ANO6: variants seen among roughly 807,000 people sequenced by gnomAD.
ANO6 encodes anoctamin 6.
A neutral mutation model predicts 117.5 loss-of-function variants in ANO6; 106 were observed. The ratio of observed to expected loss-of-function variants is 0.90; its 90% confidence interval spans 0.77 to 1.06. The LOEUF is 1.06. ANO6 is among the 50% of genes least tolerant of loss of function. The pLI is 0.00. For missense variants in ANO6, 955 were observed against 1,121.1 expected (o/e 0.85, Z 2.12); for synonymous variants, 367 against 385.1 (o/e 0.95, Z 0.55).
At chr12:45,402,949 A>G in intron 13 of ANO6, 123 bp from the exon 14 acceptor site, 1 of 946,370 alleles carries the variant, frequency 1.1e-6, no homozygotes, top group Non-Finnish European at 1.6e-6. Flanking sequence ...GCTTAAATGG[A>G]AACAGTGTGA....
At position 45,403,661 on chromosome 12, in the gene ANO6, A is replaced by G. The variant is rs1455147519; in HGVS notation, c.1880+125A>G. The G allele has an allele frequency of 3.8e-6, 3 of 786,748 alleles. No homozygotes were observed. The African/African-American group carries it at 5.1e-5, about 13-fold the overall frequency. The allele number at this position is 786,748 out of a possible 1,614,324, so 48.7% of individuals were successfully genotyped here. Reference sequence around the variant, plus strand: ...CATGTCCACCTCTAAATGGATCAGAATCTGTTGTCATTAAAGGTCTCCAGA... The same window carrying G: ...CATGTCCACCTCTAAATGGATCAGAGTCTGTTGTCATTAAAGGTCTCCAGA... On this transcript the variant is annotated intron_variant, in intron 15 of 19. Transcript: ENST00000320560.
intron 10 of ANO6, among the ~76,000 whole-genome samples, chr12:45,383,690 AAG>A (rs1235555779): frequency 6.6e-6 from 1 of 152,220 alleles, no homozygotes; most frequent in Non-Finnish European, 1.5e-5. Flanking sequence ...ATTTTTTTAA[AAG>A]AGTAATTTTT....
intron 1 of ANO6, among the ~76,000 whole-genome samples, chr12:45,264,736 A>G (rs1938159524): frequency 6.6e-6 from 1 of 152,346 alleles, no homozygotes; most frequent in East Asian, 1.9e-4. Flanking sequence ...CAAATATACA[A>G]AAAAAGTTAG....
intron 1 of ANO6, among the ~76,000 whole-genome samples, chr12:45,221,998 C>T (rs959515947): frequency 1.3e-5 from 2 of 151,258 alleles, no homozygotes; most frequent in Admixed American, 1.3e-4. Context: ...TCTCCCACCT[C>T]AGCCTCCCAA....
rs1303509437 is a variant in ANO6 at position 45,439,643 on chromosome 12, A to G, written c.2527-32A>G. On this transcript the variant is annotated intron_variant, in intron 19 of 19. Transcript: ENST00000425752. Reference sequence around the variant, plus strand: ...ACCAGAGTATTCAAGATATGATTTAATTGCTTTTTTTTTTTTTTTTTTTTG... The same window carrying G: ...ACCAGAGTATTCAAGATATGATTTAGTTGCTTTTTTTTTTTTTTTTTTTTG... The G allele has an allele frequency of 1.1e-5, 14 of 1,269,798 alleles. No homozygotes were observed. In the East Asian group the frequency reaches 3.8e-4, roughly 35 times the overall value. The allele number at this position is 1,269,798 out of a possible 1,614,324, so 78.7% of individuals were successfully genotyped here. A position where few individuals can be genotyped will look rare whatever the true frequency, so the allele number is the denominator to read the frequency against.
chr12:45,315,287 A>G (rs1592953152), intron 2 of ANO6, among the ~76,000 whole-genome samples: 1 of 151,976 alleles, frequency 6.6e-6, no homozygotes, highest in Non-Finnish European at 1.5e-5. Flanking sequence ...ACTGTGTGGG[A>G]AAGCACCACT....
At chr12:45,347,934 T>C in intron 4 of ANO6, 94 bp from the exon 5 acceptor site, 1 of 1,268,998 alleles carries the variant, frequency 7.9e-7, no homozygotes, top group Non-Finnish European at 1.1e-6. Context: ...GTATTGTTTT[T>C]TTAAAGCTAC....
chr12:45,289,023 G>A (rs1416429071), intron 1 of ANO6, among the ~76,000 whole-genome samples: 1 of 151,698 alleles, frequency 6.6e-6, no homozygotes, highest in Non-Finnish European at 1.5e-5. Flanking sequence ...GAAATTTTCT[G>A]TCATGAATAT....
chr12:45,401,096 CT>C (rs1279377252), intron 12 of ANO6, among the ~76,000 whole-genome samples: 1 of 152,196 alleles, frequency 6.6e-6, no homozygotes, highest in Non-Finnish European at 1.5e-5. Context: ...GTACAAATGA[CT>C]GCCAGTTTAA....
rs34198115 is a variant in ANO6 at position 45,352,727 on chromosome 12, C to CAAAAA, written c.863+1965_863+1969dup. Among the ~76,000 whole-genome samples, 6 of 118,284 alleles carry CAAAAA rather than the reference C, an allele frequency of 5.1e-5. 1 individual carries two copies. The highest frequency in any genetic ancestry group is 1.9e-4 in the African/African-American group (6 of 32,386). 77.6% of individuals were successfully genotyped at this position (118,284 alleles called of 152,430 possible). On this transcript the variant is annotated intron_variant, in intron 7 of 19. Coordinates refer to ENST00000320560, the MANE Select transcript of ANO6 (RefSeq NM_001025356.3). ...GGGCAACAGAGTAAGACCCTGTCTC[C>CAAAAA]AAAAAAAAAAAAAAAATTATTTAAT...
At chr12:45,301,443 A>C (rs921901249) in intron 1 of ANO6, among the ~76,000 whole-genome samples, 1 of 151,738 alleles carries the variant, frequency 6.6e-6, no homozygotes, top group Non-Finnish European at 1.5e-5. Flanking sequence ...CAAAAGAAAA[A>C]AAAATGTTTT....
At chr12:45,289,292 G>T (rs1360996688) in intron 1 of ANO6, among the ~76,000 whole-genome samples, 2 of 150,576 alleles carry the variant, frequency 1.3e-5, no homozygotes, top group East Asian at 3.9e-4. Context: ...TCACCTTCCT[G>T]AGTAGCTCGG....
intron 1 of ANO6, among the ~76,000 whole-genome samples, chr12:45,220,191 C>G (rs1947375802): frequency 6.6e-6 from 1 of 152,140 alleles, no homozygotes. Flanking sequence ...AAAAGACTAT[C>G]AGGAACTATT....
intron 1 of ANO6, among the ~76,000 whole-genome samples, chr12:45,219,907 C>A (rs976187298): frequency 6.6e-6 from 1 of 152,162 alleles, no homozygotes; most frequent in African/African-American, 2.4e-5. Context: ...TGGTTTGAAG[C>A]CCCTGTTGTG....
At chr12:45,378,225 C>A in intron 10 of ANO6, 112 bp downstream of exon 10, 1 of 998,432 alleles carries the variant, frequency 1.0e-6, no homozygotes, top group Non-Finnish European at 1.5e-6. Flanking sequence ...GCTTCAACTC[C>A]CCTAGAATTC....
chr12:45,423,174 C>A, intron 19 of ANO6, 112 bp downstream of exon 19: 1 of 828,126 alleles, frequency 1.2e-6, no homozygotes, highest in Non-Finnish European at 2.1e-6. Context: ...TTATCACTTG[C>A]TAATATTTTA....
intron 9 of ANO6, among the ~76,000 whole-genome samples, chr12:45,371,627 C>A (rs1941839755): frequency 6.6e-6 from 1 of 151,922 alleles, no homozygotes; most frequent in Non-Finnish European, 1.5e-5. Flanking sequence ...GCAGGGTACT[C>A]CAACAGACCT....
At chr12:45,380,382 G>A (rs1942138375) in intron 10 of ANO6, among the ~76,000 whole-genome samples, 1 of 152,144 alleles carries the variant, frequency 6.6e-6, no homozygotes, top group Non-Finnish European at 1.5e-5. Context: ...TCTAAACTAG[G>A]CCTACTTATT....
At chr12:45,331,550 T>C in intron 3 of ANO6, 127 bp downstream of exon 3, 1 of 943,808 alleles carries the variant, frequency 1.1e-6, no homozygotes, top group South Asian at 1.9e-5. Flanking sequence ...TTTCATATTT[T>C]CTCTGCTCAT....
Sources: gnomAD v4.1 joint callset for allele counts (sites outside exome capture counted in the v4.1 genomes callset) on GRCh38, gnomAD v4.1.1 for gene constraint, MANE v1.5 for transcripts, NCBI Gene and HGNC (gene_info 2026-07-23, HGNC 2026-07-21) for gene names.